LRRC37A2: variants seen among roughly 807,000 people sequenced by gnomAD.
LRRC37A2 encodes leucine rich repeat containing 37 member A2, also known as leucine-rich repeat-containing protein 37A2.
In LRRC37A2, 9 loss-of-function variants were observed where a neutral mutation model predicts 68.8. That is an observed-to-expected ratio of 0.13 (90% CI 0.08 to 0.23). LRRC37A2 has a LOEUF of 0.23. Ranked by LOEUF, LRRC37A2 falls within the 10% of genes least tolerant of loss-of-function variation. The pLI, the probability that LRRC37A2 is intolerant of heterozygous loss-of-function variation, is 1.00. For missense variants in LRRC37A2, 168 were observed against 950.4 expected (o/e 0.18, Z 10.82); for synonymous variants, 63 against 367.6 (o/e 0.17, Z 9.48).
At chr17:46,717,816 G>T in the LRRC37A2 span, among the ~76,000 whole-genome samples, 1 of 152,134 alleles carries the variant, frequency 6.6e-6, no homozygotes, top group Non-Finnish European at 1.5e-5. Flanking sequence ...ACAAGGTGAC[G>T]GAAATCACGC....
At chr17:46,798,677 G>C in the LRRC37A2 span, among the ~76,000 whole-genome samples, 1 of 152,148 alleles carries the variant, frequency 6.6e-6, no homozygotes, top group African/African-American at 2.4e-5. Context: ...TGCTTAGCAA[G>C]GGCTTACACA....
chr17:46,901,351 G>A, the LRRC37A2 span, among the ~76,000 whole-genome samples: 1 of 151,928 alleles, frequency 6.6e-6, no homozygotes, highest in African/African-American at 2.4e-5. Flanking sequence ...TAATAGAGAC[G>A]GTGTTTCACC....
At chr17:47,030,088 AATC>A in the LRRC37A2 span, among the ~76,000 whole-genome samples, 1,216 of 107,064 alleles carry the variant, frequency 0.011, 50 homozygotes, top group African/African-American at 0.031. Flanking sequence ...TAATAATAAT[AATC>A]ATCATCATCA....
At chr17:46,467,577 A>G in the LRRC37A2 span, among the ~76,000 whole-genome samples, 2 of 102,060 alleles carry the variant, frequency 2.0e-5, 1 homozygote, top group Admixed American at 1.9e-4. Flanking sequence ...CAATTTAAAT[A>G]TTAAACTACT....
chr17:46,932,279 G>C, the LRRC37A2 span: 1 of 1,540,110 alleles, frequency 6.5e-7, no homozygotes, highest in East Asian at 2.2e-5. Context: ...AGCGCCATCT[G>C]TTTTGGGGGT....
the LRRC37A2 span, among the ~76,000 whole-genome samples, chr17:46,746,037 G>A: frequency 3.3e-5 from 5 of 152,062 alleles, no homozygotes; most frequent in East Asian, 5.8e-4. Flanking sequence ...TCTCTGCCAC[G>A]TGTTTCTTCC....
the LRRC37A2 span, among the ~76,000 whole-genome samples, chr17:46,739,633 C>T: frequency 1.3e-5 from 2 of 151,736 alleles, no homozygotes; most frequent in Non-Finnish European, 2.9e-5. Flanking sequence ...TGGGCCCCTT[C>T]CTCTACTAAA....
chr17:46,666,077 G>A, the LRRC37A2 span, among the ~76,000 whole-genome samples: 2 of 150,974 alleles, frequency 1.3e-5, no homozygotes, highest in African/African-American at 4.9e-5. Flanking sequence ...GGCAGTGACC[G>A]CTTTCCAATG....
the LRRC37A2 span, among the ~76,000 whole-genome samples, chr17:46,784,877 G>A: frequency 6.6e-6 from 1 of 150,410 alleles, no homozygotes; most frequent in Non-Finnish European, 1.5e-5. Context: ...CCGGGTTCAC[G>A]CCATTCTCCT....
At chr17:46,872,477 C>A in the LRRC37A2 span, 1 of 1,457,468 alleles carries the variant, frequency 6.9e-7, no homozygotes, top group Non-Finnish European at 9.1e-7. Context: ...TCACCACCAT[C>A]CCCAAGGCTC....
At chr17:47,028,163 T>C in the LRRC37A2 span, 1 of 742,984 alleles carries the variant, frequency 1.3e-6, no homozygotes, top group East Asian at 2.4e-5. Flanking sequence ...ATTTCCTTAG[T>C]GCATAGAGAA....
chr17:46,541,687 T>C (rs1460500752), intron 8 of LRRC37A2, among the ~76,000 whole-genome samples: 1 of 150,532 alleles, frequency 6.6e-6, no homozygotes, highest in Admixed American at 6.6e-5. Flanking sequence ...TTGGAAAAAA[T>C]AAAATATATA....
At chr17:46,904,101 G>A in the LRRC37A2 span, among the ~76,000 whole-genome samples, 1 of 144,318 alleles carries the variant, frequency 6.9e-6, no homozygotes, top group Non-Finnish European at 1.5e-5. Context: ...GTGGCTAGAT[G>A]GCTGGATGGA....
the LRRC37A2 span, chr17:46,936,472 G>T: frequency 2.0e-6 from 2 of 985,346 alleles, no homozygotes; most frequent in Non-Finnish European, 2.4e-6. Flanking sequence ...ACTTTCCTCT[G>T]CACACCTGTG....
chr17:46,914,414 C>T, the LRRC37A2 span, among the ~76,000 whole-genome samples: 6 of 151,698 alleles, frequency 4.0e-5, no homozygotes. Context: ...TTTGGGAGGC[C>T]GAGGCAAGTG....
At chr17:46,969,354 G>C in the LRRC37A2 span, among the ~76,000 whole-genome samples, 4 of 152,234 alleles carry the variant, frequency 2.6e-5, no homozygotes, top group African/African-American at 7.2e-5. Flanking sequence ...GGTGTCAGCA[G>C]GAAGGAGGGT....
the LRRC37A2 span, among the ~76,000 whole-genome samples, chr17:46,609,243 A>G: frequency 0.067 from 8,712 of 130,242 alleles, 1 homozygote; most frequent in Non-Finnish European, 0.1. Context: ...CGTACAATGT[A>G]TGCATTTTTG....
chr17:46,684,555 C>T, the LRRC37A2 span, among the ~76,000 whole-genome samples: 1 of 152,080 alleles, frequency 6.6e-6, no homozygotes, highest in African/African-American at 2.4e-5. Flanking sequence ...AAAACAGATA[C>T]ATAGACCAAA....
chr17:46,528,938 G>C, intron 6 of LRRC37A2: 2 of 625,932 alleles, frequency 3.2e-6, no homozygotes, highest in Non-Finnish European at 5.6e-6. Flanking sequence ...TAGGTCATCT[G>C]CTTATTTCTT....
Sources: gnomAD v4.1 joint callset for allele counts (sites outside exome capture counted in the v4.1 genomes callset) on GRCh38, gnomAD v4.1.1 for gene constraint, MANE v1.5 for transcripts, NCBI Gene and HGNC (gene_info 2026-07-23, HGNC 2026-07-21) for gene names.